The following WWOX variants were observed in gnomAD, a reference collection of about 807,000 sequenced individuals.
WWOX encodes the protein WW domain-containing oxidoreductase.
A neutral mutation model predicts 46.2 loss-of-function variants in WWOX; 69 were observed. The ratio of observed to expected loss-of-function variants is 1.49; its 90% CI spans 1.23 to 1.82. WWOX has a LOEUF of 1.82. Ranked by LOEUF, WWOX falls within the 40% of genes most tolerant of loss-of-function variation. WWOX has a pLI of 0.00. For missense variants in WWOX, 919 were observed against 542.6 expected (o/e 1.69, Z -6.89); for synonymous variants, 359 against 202.6 (o/e 1.77, Z -6.56).
At chr16:78,111,868 C>T (rs531564281) in intron 3 of WWOX, 2 of 172,204 alleles carry the variant, frequency 1.2e-5, no homozygotes, top group East Asian at 1.7e-4. Flanking sequence ...TCTGCTTCGG[C>T]TACCTAAAAG....
intron 8 of WWOX, among the ~76,000 whole-genome samples, chr16:78,886,265 A>C (rs1403029777): frequency 6.7e-6 from 1 of 149,166 alleles, no homozygotes. Context: ...CCCATTGTAC[A>C]CATTTGGTAT....
At chr16:78,655,402 A>T (rs2047058297) in intron 8 of WWOX, among the ~76,000 whole-genome samples, 2 of 152,218 alleles carry the variant, frequency 1.3e-5, no homozygotes. Flanking sequence ...AAGTAAATTA[A>T]ACAAGTAATT....
intron 8 of WWOX, among the ~76,000 whole-genome samples, chr16:78,806,899 A>T (rs1354475340): frequency 6.6e-6 from 1 of 152,168 alleles, no homozygotes; most frequent in African/African-American, 2.4e-5. Flanking sequence ...GATATTGGGA[A>T]AAGAATGGTA....
intron 8 of WWOX, among the ~76,000 whole-genome samples, chr16:79,038,804 C>T (rs1008168362): frequency 4.6e-5 from 7 of 152,112 alleles, no homozygotes; most frequent in African/African-American, 1.4e-4. Context: ...CCTGCCTCAG[C>T]CTCCCAAAGT....
intron 8 of WWOX, among the ~76,000 whole-genome samples, chr16:78,864,123 C>T (rs560250017): frequency 1.3e-5 from 2 of 152,272 alleles, no homozygotes; most frequent in East Asian, 1.9e-4. Context: ...TATATCAAGC[C>T]AAACTACCTA....
chr16:78,263,675 C>T (rs1171999762), intron 5 of WWOX, among the ~76,000 whole-genome samples: 1 of 152,160 alleles, frequency 6.6e-6, no homozygotes, highest in Non-Finnish European at 1.5e-5. Context: ...CATTTTGTTC[C>T]ACTCAAATGT....
At chr16:78,415,446 C>T (rs996105388) in intron 6 of WWOX, among the ~76,000 whole-genome samples, 4 of 152,106 alleles carry the variant, frequency 2.6e-5, no homozygotes, top group Non-Finnish European at 4.4e-5. Flanking sequence ...CTATGTTATC[C>T]TGTAACTTAG....
rs1215880359 is a variant in WWOX at position 78,667,247 on chromosome 16, AC to A, written c.1056+234496del. Among the ~76,000 whole-genome samples the A allele has an allele frequency of 2.0e-5, 3 of 152,318 alleles. No homozygotes were observed. The East Asian group carries it at 5.8e-4, about 29-fold the overall frequency. On this transcript the variant is annotated intron_variant, in intron 8 of 8. Coordinates refer to ENST00000566780, the MANE Select transcript of WWOX (RefSeq NM_016373.4). ...TTTAGGTTTCTGCCCCTCGTAGCAG[AC>A]TATCTTTCTAGAAGCAGAGCTGTAA...
At chr16:78,918,238 C>A (rs1458950783) in intron 8 of WWOX, among the ~76,000 whole-genome samples, 1 of 151,970 alleles carries the variant, frequency 6.6e-6, no homozygotes, top group African/African-American at 2.4e-5. Context: ...AAAGAAAGCC[C>A]TATCAAAATT....
intron 8 of WWOX, among the ~76,000 whole-genome samples, chr16:78,794,845 G>C (rs2050696439): frequency 6.6e-6 from 1 of 152,224 alleles, no homozygotes; most frequent in Admixed American, 6.5e-5. Context: ...GCCAACTGTG[G>C]CTGCTGACAC....
chr16:78,173,561 G>A (rs990241662), intron 5 of WWOX, among the ~76,000 whole-genome samples: 1 of 151,548 alleles, frequency 6.6e-6, no homozygotes, highest in Non-Finnish European at 1.5e-5. Context: ...GTCTCCCAAA[G>A]TGCTGGGATT....
intron 8 of WWOX, among the ~76,000 whole-genome samples, chr16:78,969,768 T>A (rs1236335340): frequency 6.6e-6 from 1 of 152,268 alleles, no homozygotes; most frequent in East Asian, 1.9e-4. Flanking sequence ...TGTTATATGA[T>A]TTCATTTACA....
chr16:78,658,459 G>A (rs1395437491), intron 8 of WWOX, among the ~76,000 whole-genome samples: 1 of 152,114 alleles, frequency 6.6e-6, no homozygotes, highest in Non-Finnish European at 1.5e-5. Context: ...AGACTAGATA[G>A]CTTGAAACAA....
chr16:78,661,741 A>C (rs1346039906), intron 8 of WWOX, among the ~76,000 whole-genome samples: 1 of 152,154 alleles, frequency 6.6e-6, no homozygotes, highest in Non-Finnish European at 1.5e-5. Context: ...ATCTTTTAAT[A>C]ATAGTAGTTA....
intron 5 of WWOX, among the ~76,000 whole-genome samples, chr16:78,272,770 A>G (rs1295440821): frequency 6.6e-6 from 1 of 152,044 alleles, no homozygotes; most frequent in East Asian, 1.9e-4. Flanking sequence ...TACTAGTAAT[A>G]AAATCAGGAT....
At chr16:78,631,182 G>T (rs1281039885) in intron 8 of WWOX, among the ~76,000 whole-genome samples, 1 of 152,178 alleles carries the variant, frequency 6.6e-6, no homozygotes, top group East Asian at 1.9e-4. Flanking sequence ...CCTTGAACCA[G>T]TCCCCTTTGG....
At chr16:78,535,152 T>C (rs1337236879) in intron 8 of WWOX, 1 of 152,240 alleles carries the variant, frequency 6.6e-6, no homozygotes, top group Non-Finnish European at 1.5e-5. Flanking sequence ...GAGATAGCAT[T>C]GCATGGAGAT....
At chr16:79,199,334 A>G (rs1465634168) in intron 8 of WWOX, among the ~76,000 whole-genome samples, 4 of 152,156 alleles carry the variant, frequency 2.6e-5, no homozygotes, top group African/African-American at 4.8e-5. Flanking sequence ...AAGTGTTGAG[A>G]TCACAGGTGT....
intron 8 of WWOX, among the ~76,000 whole-genome samples, chr16:78,725,473 A>G (rs968201282): frequency 6.9e-6 from 1 of 145,374 alleles, no homozygotes; most frequent in African/African-American, 2.6e-5. Flanking sequence ...TCAGCCTCCC[A>G]GGTAGCTGGG....
Sources: gnomAD v4.1 joint callset for allele counts (sites outside exome capture counted in the v4.1 genomes callset) on GRCh38, gnomAD v4.1.1 for gene constraint, MANE v1.5 for transcripts, NCBI Gene and HGNC (gene_info 2026-07-23, HGNC 2026-07-21) for gene names.